The following PITPNC1 variants were observed in gnomAD, a reference collection of about 807,000 sequenced individuals.
PITPNC1 encodes phosphatidylinositol transfer protein cytoplasmic 1.
In PITPNC1, 18 loss-of-function variants were observed where a neutral mutation model predicts 44.7. The observed-to-expected ratio is 0.40, with a 90% CI of 0.28 to 0.60. PITPNC1 has a LOEUF of 0.60. Ranked by LOEUF, PITPNC1 falls within the 20% of genes least tolerant of loss-of-function variation. The probability of loss-of-function intolerance (pLI) is 0.39; values close to 1 mark genes in which losing one functional copy is unlikely to be tolerated. For synonymous variants in PITPNC1, 141 were observed against 149.6 expected, an observed-to-expected ratio of 0.94 and a Z score of 0.42; for missense variants, 290 against 418.4, an observed-to-expected ratio of 0.69 and a Z score of 2.68.
At chr17:67,530,570 C>A (rs2040448307) in intron 1 of PITPNC1, among the ~76,000 whole-genome samples, 1 of 152,194 alleles carries the variant, frequency 6.6e-6, no homozygotes, top group African/African-American at 2.4e-5. Context: ...CAAATAAGGT[C>A]ACATTCTGGG....
At chr17:67,684,513 G>T (rs2042778127) in intron 8 of PITPNC1, among the ~76,000 whole-genome samples, 1 of 151,850 alleles carries the variant, frequency 6.6e-6, no homozygotes, top group Non-Finnish European at 1.5e-5. Flanking sequence ...CAAAAAGAAG[G>T]AAATTAAAAT....
At chr17:67,393,505 T>C (rs1009740559) in intron 1 of PITPNC1, among the ~76,000 whole-genome samples, 1 of 152,184 alleles carries the variant, frequency 6.6e-6, no homozygotes, top group Non-Finnish European at 1.5e-5. Context: ...AGAATTTTTT[T>C]CTGAATTCTG....
chr17:67,547,520 G>A (rs1348324575), intron 2 of PITPNC1, among the ~76,000 whole-genome samples: 1 of 151,976 alleles, frequency 6.6e-6, no homozygotes, highest in Non-Finnish European at 1.5e-5. Flanking sequence ...TGTCTCAAAA[G>A]AGAAAAAGAA....
At chr17:67,464,384 C>T (rs1381343038) in intron 1 of PITPNC1, among the ~76,000 whole-genome samples, 1 of 152,118 alleles carries the variant, frequency 6.6e-6, no homozygotes, top group African/African-American at 2.4e-5. Context: ...TTTCTCAGAA[C>T]GTCCTGCTGT....
Position 67,520,917 on chromosome 17 carries a change from T to A in PITPNC1, c.49-11885T>A, listed in dbSNP as rs557306397. Reference sequence around the variant, plus strand: ...AACCTGTAAGTGCTGCATGTTATCATCTCGGCTTTTCAATTTATGAGTCAA... The same window carrying A: ...AACCTGTAAGTGCTGCATGTTATCAACTCGGCTTTTCAATTTATGAGTCAA... On this transcript the variant is annotated intron_variant, in intron 1 of 8. Coordinates refer to ENST00000581322, the MANE Select transcript of PITPNC1 (RefSeq NM_012417.4). Among the ~76,000 whole-genome samples the A allele has an allele frequency of 1.6e-4, 25 of 152,336 alleles. No individual in the cohort carries two copies. The South Asian group carries it at 4.4e-3, about 27-fold the overall frequency.
At chr17:67,522,306 A>C (rs573687918) in intron 1 of PITPNC1, among the ~76,000 whole-genome samples, 84 of 151,894 alleles carry the variant, frequency 5.5e-4, no homozygotes, top group African/African-American at 1.9e-3. Context: ...TCCATCCCCC[A>C]CCACCAAAAA....
chr17:67,553,579 C>T (rs1375530283), intron 3 of PITPNC1, 31 bp from the exon 4 acceptor site: 6 of 1,121,780 alleles, frequency 5.3e-6, no homozygotes, highest in Admixed American at 2.8e-5. Context: ...TTTTTCTTTC[C>T]TCTCTTCTTC....
chr17:67,587,503 A>G (rs1443643377), intron 5 of PITPNC1, among the ~76,000 whole-genome samples: 1 of 152,106 alleles, frequency 6.6e-6, no homozygotes, highest in African/African-American at 2.4e-5. Flanking sequence ...CAAAAGAAGA[A>G]GAAGAAGAAG....
chr17:67,690,340 C>G (rs887683628), intron 8 of PITPNC1, among the ~76,000 whole-genome samples: 4 of 150,748 alleles, frequency 2.7e-5, no homozygotes, highest in African/African-American at 9.8e-5. Context: ...CCCAGCTACT[C>G]GGGAGGCTGA....
chr17:67,527,942 G>C (rs977382336), intron 1 of PITPNC1, among the ~76,000 whole-genome samples: 1 of 152,142 alleles, frequency 6.6e-6, no homozygotes, highest in African/African-American at 2.4e-5. Flanking sequence ...TCGAGGCTGA[G>C]GTGAGCCATG....
chr17:67,443,213 C>G (rs2039041022), intron 1 of PITPNC1, among the ~76,000 whole-genome samples: 1 of 152,072 alleles, frequency 6.6e-6, no homozygotes, highest in African/African-American at 2.4e-5. Context: ...CCAGACTGCA[C>G]CTTTGTCCAT....
rs192104022 is a variant in PITPNC1, at chr17:67,574,293, A to G, written c.295-3893A>G. Among the ~76,000 whole-genome samples, 419 of 152,318 alleles carry G rather than the reference A, an allele frequency of 2.8e-3. 1 individual carries two copies. The highest frequency in any genetic ancestry group is 8.8e-3 in the African/African-American group (367 of 41,564). ...CTGATGTCTCAGTGCTTTTCATTAT[A>G]TTATTTCTCCACTGAAAAAGAGGAG... is the stretch of plus-strand genomic sequence containing the variant. On this transcript the variant is annotated intron_variant, in intron 4 of 8. Coordinates refer to ENST00000581322, the MANE Select transcript of PITPNC1 (RefSeq NM_012417.4).
chr17:67,403,847 C>T (rs1258202883), intron 1 of PITPNC1, among the ~76,000 whole-genome samples: 3 of 152,246 alleles, frequency 2.0e-5, no homozygotes, highest in Admixed American at 6.5e-5. Context: ...CATCCTGAAA[C>T]CCTGTCTCCA....
intron 5 of PITPNC1, among the ~76,000 whole-genome samples, chr17:67,610,869 C>T (rs1470934558): frequency 1.4e-5 from 2 of 147,972 alleles, no homozygotes; most frequent in African/African-American, 5.0e-5. Flanking sequence ...TGCAGTGAGC[C>T]GAGATTGCGC....
chr17:67,558,066 T>C (rs1200310225), intron 4 of PITPNC1, among the ~76,000 whole-genome samples: 1 of 152,214 alleles, frequency 6.6e-6, no homozygotes, highest in Non-Finnish European at 1.5e-5. Flanking sequence ...CTAGGTCTTA[T>C]ATCTGACTGT....
chr17:67,667,072 G>A (rs1440387773), intron 6 of PITPNC1, among the ~76,000 whole-genome samples: 1 of 152,180 alleles, frequency 6.6e-6, no homozygotes, highest in Non-Finnish European at 1.5e-5. Context: ...GGTTTCTCCT[G>A]GGAGGGGAGA....
chr17:67,569,894 G>C (rs1451998365), intron 4 of PITPNC1, among the ~76,000 whole-genome samples: 1 of 150,262 alleles, frequency 6.7e-6, no homozygotes. Flanking sequence ...AGAAGAGGGA[G>C]AGAGAGATAA....
At chr17:67,682,813 A>T (rs1474964604) in intron 8 of PITPNC1, among the ~76,000 whole-genome samples, 1 of 152,210 alleles carries the variant, frequency 6.6e-6, no homozygotes, top group Admixed American at 6.6e-5. Flanking sequence ...TCTATAAGTG[A>T]AGGGCTGACT....
At chr17:67,575,819 T>TTCC (rs2041136289) in intron 4 of PITPNC1, among the ~76,000 whole-genome samples, 1 of 108,462 alleles carries the variant, frequency 9.2e-6, no homozygotes, top group African/African-American at 3.6e-5. Flanking sequence ...TCTTTCTTTC[T>TTCC]TTCCTTCCTT....
Sources: allele counts gnomAD v4.1 joint callset (sites outside exome capture counted in the v4.1 genomes callset), GRCh38; gene constraint gnomAD v4.1.1; transcripts MANE v1.5; gene names NCBI Gene and HGNC (gene_info 2026-07-23, HGNC 2026-07-21).